Variants in GRM5 observed in about 807,000 individuals in gnomAD.
The protein encoded by GRM5 is metabotropic glutamate receptor 5.
Under a neutral mutation model 83.1 loss-of-function variants are expected in GRM5, and 19 were observed. That is an observed-to-expected ratio of 0.23 (90% CI 0.16 to 0.34). The LOEUF (loss-of-function observed/expected upper bound fraction) is 0.34. GRM5 is among the 10% of genes least tolerant of loss of function. GRM5 has a pLI of 1.00. For missense variants in GRM5, 1,160 were observed against 1,588.3 expected (o/e 0.73, Z 4.58); for synonymous variants, 675 against 633.6 (o/e 1.07, Z -0.98).
intron 3 of GRM5, among the ~76,000 whole-genome samples, chr11:88,782,819 A>T (rs535210349): frequency 7.2e-5 from 11 of 152,256 alleles, no homozygotes; most frequent in African/African-American, 2.6e-4. Flanking sequence ...GTTTCAGAGG[A>T]AACATCAATA....
At chr11:88,626,439 G>A (rs1847438) in intron 4 of GRM5, among the ~76,000 whole-genome samples, 105,502 of 152,152 alleles carry the variant, frequency 0.69, 41,843 homozygotes, top group Non-Finnish European at 0.9. Context: ...TCTGACTTGT[G>A]TTTATTTGAG....
At chr11:88,987,194 C>A (rs12049845) in intron 2 of GRM5, among the ~76,000 whole-genome samples, 1 of 152,036 alleles carries the variant, frequency 6.6e-6, no homozygotes, top group Non-Finnish European at 1.5e-5. Flanking sequence ...TTGCCTCACT[C>A]GGGAAGTGCA....
chr11:88,655,422 A>C (rs190845430), intron 3 of GRM5, among the ~76,000 whole-genome samples: 13 of 152,210 alleles, frequency 8.5e-5, no homozygotes, highest in Admixed American at 8.5e-4. Flanking sequence ...TTCTCCAAGG[A>C]AGTGGGAATT....
intron 2 of GRM5, among the ~76,000 whole-genome samples, chr11:88,931,312 T>C (rs644527): frequency 0.96 from 145,550 of 151,946 alleles, 69,798 homozygotes; most frequent in East Asian, 0.99. Context: ...TTATGCTACA[T>C]AATTGAGTAA....
intron 3 of GRM5, among the ~76,000 whole-genome samples, chr11:88,753,054 T>C (rs751280471): frequency 1.5e-4 from 23 of 152,046 alleles, no homozygotes; most frequent in Non-Finnish European, 2.9e-4. Context: ...TGAGCAAATA[T>C]TTCATGATGA....
At chr11:88,748,442 A>G (rs1265046829) in intron 3 of GRM5, among the ~76,000 whole-genome samples, 1 of 152,062 alleles carries the variant, frequency 6.6e-6, no homozygotes, top group Non-Finnish European at 1.5e-5. Context: ...GGTCTTCCTG[A>G]GATGGGTCTG....
chr11:89,020,356 G>T (rs537014057), intron 2 of GRM5, among the ~76,000 whole-genome samples: 1 of 152,210 alleles, frequency 6.6e-6, no homozygotes, highest in Non-Finnish European at 1.5e-5. Context: ...TTCAGAGCAT[G>T]CTCCCTTACA....
chr11:88,516,918 T>C (rs545612839), intron 9 of GRM5, among the ~76,000 whole-genome samples: 1 of 152,220 alleles, frequency 6.6e-6, no homozygotes, highest in East Asian at 1.9e-4. Context: ...ATCTTTCCTT[T>C]CTCTGGACCC....
At chr11:88,744,612 T>C (rs549039011) in intron 3 of GRM5, among the ~76,000 whole-genome samples, 10 of 152,214 alleles carry the variant, frequency 6.6e-5, no homozygotes, top group South Asian at 2.1e-4. Context: ...TGGTCTCAAG[T>C]CATGCTTTAG....
intron 3 of GRM5, among the ~76,000 whole-genome samples, chr11:88,674,294 G>A (rs10501676): frequency 0.2 from 30,098 of 151,622 alleles, 3,163 homozygotes; most frequent in Admixed American, 0.3. Context: ...CCTACAGGCC[G>A]AGTTTAGATA....
chr11:88,633,208 C>A (rs1462434200), intron 4 of GRM5, among the ~76,000 whole-genome samples: 1 of 152,098 alleles, frequency 6.6e-6, no homozygotes, highest in Non-Finnish European at 1.5e-5. Flanking sequence ...AAAGAAATGG[C>A]TTTTCATTTT....
intron 2 of GRM5, among the ~76,000 whole-genome samples, chr11:88,970,382 G>C (rs190821595): frequency 6.6e-6 from 1 of 152,108 alleles, no homozygotes. Context: ...AGAGTGAAGA[G>C]GTAGTGAAGG....
At chr11:88,634,409 T>G (rs780642262) in intron 4 of GRM5, among the ~76,000 whole-genome samples, 29 of 152,140 alleles carry the variant, frequency 1.9e-4, no homozygotes, top group Admixed American at 3.9e-4. Flanking sequence ...GCACATTGTA[T>G]AGCTGCACAA....
chr11:88,944,597 C>T (rs190900602), intron 2 of GRM5, among the ~76,000 whole-genome samples: 84 of 151,670 alleles, frequency 5.5e-4, no homozygotes, highest in East Asian at 2.5e-3. Context: ...TCATGCAGTA[C>T]ATTAGATCTC....
chr11:88,912,326 T>C (rs1424038224), intron 2 of GRM5, among the ~76,000 whole-genome samples: 3 of 151,814 alleles, frequency 2.0e-5, no homozygotes, highest in Non-Finnish European at 2.9e-5. Context: ...AGGGGCTGAC[T>C]TATCCTAAGG....
At position 88,697,234 on chromosome 11, in the gene GRM5, C is replaced by T. The variant is rs1339917990; in HGVS notation, c.912-43831G>A. Among the ~76,000 whole-genome samples the T allele has an allele frequency of 2.0e-5, 3 of 152,174 alleles. No individual in the cohort carries two copies. The East Asian group carries it at 5.8e-4, about 29-fold the overall frequency. On this transcript the variant is annotated intron_variant, in intron 3 of 9. Transcript: ENST00000305447. ...AATTTTTTATTTTCCCCTAAGGTCA[C>T]ACAAAGCCATAAATGTGAAGAGCAG...
At chr11:88,875,757 A>G (rs1050623383) in intron 2 of GRM5, among the ~76,000 whole-genome samples, 3 of 152,104 alleles carry the variant, frequency 2.0e-5, no homozygotes, top group African/African-American at 7.2e-5. Flanking sequence ...ATAATTTTTC[A>G]TCAGAGCTCT....
rs144109502 is a variant in GRM5, at chr11:88,893,082, A to G, written c.662-42927T>C. Among the ~76,000 whole-genome samples the G allele has an allele frequency of 3.2e-3, 489 of 151,672 alleles. 1 individual carries two copies. The highest frequency in any genetic ancestry group is 0.012 in the African/African-American group (478 of 41,428). ...CTTCTAACTGGAATATCAGACAGAG[A>G]GTTTCCACTGCTGTAGTATTTTGCT... On this transcript the variant is annotated intron_variant, in intron 2 of 9. Transcript: ENST00000305447.
At chr11:88,742,035 G>A (rs774525449) in intron 3 of GRM5, among the ~76,000 whole-genome samples, 5 of 151,788 alleles carry the variant, frequency 3.3e-5, no homozygotes, top group Non-Finnish European at 7.4e-5. Flanking sequence ...GTTCAGCTGC[G>A]GTGAAGTGGA....
Sources: allele counts gnomAD v4.1 joint callset (sites outside exome capture counted in the v4.1 genomes callset), GRCh38; gene constraint gnomAD v4.1.1; transcripts MANE v1.5; gene names NCBI Gene and HGNC (gene_info 2026-07-23, HGNC 2026-07-21).